The following VPS8 variants were observed in gnomAD, a reference collection of about 807,000 sequenced individuals.
VPS8 encodes the protein VPS8 subunit of CORVET complex, also known as vacuolar protein sorting-associated protein 8 homolog.
In VPS8, 129 loss-of-function variants were observed where a neutral mutation model predicts 216.4. The ratio of observed to expected loss-of-function variants is 0.60; its 90% confidence interval spans 0.52 to 0.69. The LOEUF (loss-of-function observed/expected upper bound fraction) is 0.69. Ranked by LOEUF, VPS8 falls within the 30% of genes least tolerant of loss-of-function variation. The pLI, the probability that VPS8 is intolerant of heterozygous loss-of-function variation, is 0.00. For missense variants in VPS8, 1,531 were observed against 1,683.5 expected, an observed-to-expected ratio of 0.91 and a Z score of 1.59; for synonymous variants, 571 against 565.4, an observed-to-expected ratio of 1.01 and a Z score of -0.14.
Position 184,843,367 on chromosome 3 carries a change from A to G in VPS8, c.541+122A>G, listed in dbSNP as rs142880944. 416 of 614,788 alleles carry G rather than the reference A, an allele frequency of 6.8e-4. 6 individuals carry two copies. In the East Asian group the frequency reaches 0.013, roughly 20 times the overall value. 38.1% of individuals were successfully genotyped at this position (614,788 alleles called of 1,614,324 possible). ...AATGCTTATTGAAAAAAACCCAGCT[A>G]ATTGAAAAATTAGTTAAGTGGGAAA... On this transcript the variant is annotated intron_variant, in intron 8 of 47. Coordinates refer to ENST00000625842, the MANE Select transcript of VPS8 (RefSeq NM_001009921.3).
intron 18 of VPS8, among the ~76,000 whole-genome samples, chr3:184,868,619 G>C (rs903372486): frequency 2.0e-5 from 3 of 152,172 alleles, no homozygotes; most frequent in Non-Finnish European, 4.4e-5. Flanking sequence ...GTATATTGCT[G>C]TCTCAAATAA....
chr3:184,883,762 A>G (rs1430204163), intron 21 of VPS8, among the ~76,000 whole-genome samples: 3 of 152,136 alleles, frequency 2.0e-5, no homozygotes, highest in African/African-American at 7.2e-5. Context: ...CCTACAGTAT[A>G]TCCATAGTAC....
At chr3:184,867,771 C>T (rs536774860) in intron 17 of VPS8, among the ~76,000 whole-genome samples, 14 of 152,180 alleles carry the variant, frequency 9.2e-5, no homozygotes, top group South Asian at 4.1e-4. Context: ...ATTTGAACCC[C>T]GGAGGTGGAG....
intron 1 of VPS8, among the ~76,000 whole-genome samples, chr3:184,815,334 T>C (rs544824142): frequency 1.3e-5 from 2 of 152,346 alleles, no homozygotes. Flanking sequence ...GCGGTAGGTC[T>C]GTTTACATCA....
Position 184,983,204 on chromosome 3 carries a change from C to T in VPS8, c.3585+110C>T, listed in dbSNP as rs1247235081. 8 of 970,256 alleles carry T rather than the reference C, an allele frequency of 8.2e-6. No individual in the cohort carries two copies. The East Asian group carries it at 2.5e-4, about 30-fold the overall frequency. The allele number at this position is 970,256 out of a possible 1,614,324, so 60.1% of individuals were successfully genotyped here. Reference sequence around the variant, plus strand: ...TAAATGGATCTCAAGCATAATGCAGCTAATTTTTGGCAATAGCTAAATATC... The same window carrying T: ...TAAATGGATCTCAAGCATAATGCAGTTAATTTTTGGCAATAGCTAAATATC... On this transcript the variant is annotated intron_variant, in intron 42 of 47. Transcript: ENST00000625842.
intron 28 of VPS8, 124 bp from the exon 29 acceptor site, chr3:184,920,003 C>G: frequency 1.4e-6 from 1 of 694,238 alleles, no homozygotes; most frequent in Non-Finnish European, 2.4e-6. Context: ...AAGACAAAAC[C>G]TAATGAGGAA....
rs1163236443 is a variant in VPS8, at chr3:185,003,196, C to T, written c.4002+3335C>T. On this transcript the variant is annotated intron_variant, in intron 45 of 47. Transcript: ENST00000625842. ...TAATTGATCATTCTTGGGTGTTTCT[C>T]GCAGAGGGGGATTTGGCAGGGTCAT... is the stretch of plus-strand genomic sequence containing the variant. Among the ~76,000 whole-genome samples, 8 of 106,624 alleles carry T rather than the reference C, an allele frequency of 7.5e-5. No individual in the cohort carries two copies. In the East Asian group the frequency reaches 1.6e-3, roughly 21 times the overall value. The allele number at this position is 106,624 out of a possible 152,430, so 69.9% of individuals were successfully genotyped here. A position where few individuals can be genotyped will look rare whatever the true frequency, so the allele number is the denominator to read the frequency against.
At chr3:185,050,547 G>A (rs1251885353) in intron 47 of VPS8, among the ~76,000 whole-genome samples, 4 of 152,222 alleles carry the variant, frequency 2.6e-5, no homozygotes, top group Admixed American at 1.3e-4. Context: ...GCCAGAGGTC[G>A]GAGGGCACCT....
chr3:184,815,384 A>ATGAT (rs1178752314), intron 1 of VPS8, among the ~76,000 whole-genome samples: 4 of 152,200 alleles, frequency 2.6e-5, no homozygotes, highest in Admixed American at 6.5e-5. Flanking sequence ...TCATTACAAC[A>ATGAT]GCTGTGACAT....
At chr3:184,870,323 A>G (rs572886490) in intron 20 of VPS8, among the ~76,000 whole-genome samples, 2 of 152,302 alleles carry the variant, frequency 1.3e-5, no homozygotes, top group African/African-American at 4.8e-5. Flanking sequence ...GGTAAAAATT[A>G]TATTCCAAAT....
At chr3:184,819,444 C>T (rs2108480727) in intron 1 of VPS8, among the ~76,000 whole-genome samples, 1 of 152,294 alleles carries the variant, frequency 6.6e-6, no homozygotes, top group African/African-American at 2.4e-5. Flanking sequence ...AGAATTGCAT[C>T]CCAGCAGGAA....
rs1256832733 is a variant in VPS8 at position 184,940,196 on chromosome 3, G to A, written c.2989-1G>A. ...GTAATTTTTATTGTTTTTCTGTTCA[G>A]AACCAGGTTTTGCTTTTCAAATTTT... is the stretch of plus-strand genomic sequence containing the variant. On this transcript the variant is annotated splice_acceptor_variant, in intron 35 of 47. Transcript: ENST00000625842. LOFTEE classifies it high-confidence loss of function. The A allele has an allele frequency of 6.7e-7, 1 of 1,493,794 alleles. No homozygotes were observed. The allele number at this position is 1,493,794 out of a possible 1,614,324, so 92.5% of individuals were successfully genotyped here. A position where few individuals can be genotyped will look rare whatever the true frequency, so the allele number is the denominator to read the frequency against.
At chr3:184,967,402 A>G (rs553873884) in intron 39 of VPS8, among the ~76,000 whole-genome samples, 35 of 152,316 alleles carry the variant, frequency 2.3e-4, no homozygotes, top group African/African-American at 7.7e-4. Context: ...GACATTGAAC[A>G]TAGCCAATGT....
At chr3:184,914,633 A>C (rs928506284) in intron 26 of VPS8, among the ~76,000 whole-genome samples, 3 of 152,198 alleles carry the variant, frequency 2.0e-5, no homozygotes, top group Non-Finnish European at 4.4e-5. Context: ...TCATAGTATA[A>C]TGGTGCCATT....
chr3:184,904,285 C>T (rs1327145451), intron 25 of VPS8, among the ~76,000 whole-genome samples: 6 of 152,108 alleles, frequency 3.9e-5, no homozygotes, highest in African/African-American at 7.2e-5. Context: ...CAAGAATGGA[C>T]GTCTTTTTGT....
intron 14 of VPS8, among the ~76,000 whole-genome samples, chr3:184,858,442 G>T (rs1351319798): frequency 1.3e-5 from 2 of 152,182 alleles, no homozygotes; most frequent in Non-Finnish European, 2.9e-5. Context: ...AGAACTGAAG[G>T]TCTTGGGAAT....
At chr3:184,991,775 A>C (rs889404313) in intron 42 of VPS8, among the ~76,000 whole-genome samples, 8 of 152,212 alleles carry the variant, frequency 5.3e-5, no homozygotes, top group Non-Finnish European at 1.2e-4. Flanking sequence ...AGAAAATAAA[A>C]AGAAAAAAAT....
intron 25 of VPS8, among the ~76,000 whole-genome samples, chr3:184,910,314 T>C (rs1293276517): frequency 6.6e-6 from 1 of 152,144 alleles, no homozygotes; most frequent in Non-Finnish European, 1.5e-5. Flanking sequence ...ACGTTTCCCT[T>C]GCCAGAAAGA....
chr3:185,042,901 A>G (rs1268762879), intron 46 of VPS8, among the ~76,000 whole-genome samples: 1 of 152,184 alleles, frequency 6.6e-6, no homozygotes, highest in African/African-American at 2.4e-5. Context: ...TGGGAACAGT[A>G]TGTGGGTTTC....
Sources: gnomAD v4.1 joint callset for allele counts (sites outside exome capture counted in the v4.1 genomes callset) on GRCh38, gnomAD v4.1.1 for gene constraint, MANE v1.5 for transcripts, NCBI Gene and HGNC (gene_info 2026-07-23, HGNC 2026-07-21) for gene names.